Variants in CIITA observed in about 807,000 individuals in gnomAD.
CIITA encodes the protein MHC class II transactivator.
Under a neutral mutation model 115.1 loss-of-function variants are expected in CIITA, and 72 were observed. The ratio of observed to expected loss-of-function variants is 0.63; its 90% confidence interval spans 0.52 to 0.76. The LOEUF is 0.76. Ranked by LOEUF, CIITA falls within the 30% of genes least tolerant of loss-of-function variation. CIITA has a pLI of 0.00. For synonymous variants in CIITA, 763 were observed against 635.6 expected (o/e 1.20, Z -3.02); for missense variants, 1,617 against 1,463.8 (o/e 1.10, Z -1.71).
chr16:10,919,494 C>T (rs958849431), intron 16 of CIITA, among the ~76,000 whole-genome samples: 60 of 132,562 alleles, frequency 4.5e-4, no homozygotes, highest in Admixed American at 4.4e-4. Context: ...AGCCACCATG[C>T]CCGGCCAACT....
At chr16:10,893,244 G>A (rs1204699371) in intron 1 of CIITA, among the ~76,000 whole-genome samples, 3 of 152,196 alleles carry the variant, frequency 2.0e-5, no homozygotes, top group Admixed American at 6.5e-5. Context: ...ATAAAGTGCT[G>A]TTGTTCTGAG....
At chr16:10,891,177 TG>T (rs2037534458) in intron 1 of CIITA, among the ~76,000 whole-genome samples, 6 of 151,946 alleles carry the variant, frequency 3.9e-5, no homozygotes, top group Non-Finnish European at 8.8e-5. Flanking sequence ...TGATACCACC[TG>T]TGTCTCTATG....
rs762483007 is a variant in CIITA, at chr16:10,907,640, C to T, written c.2148C>T (p.Phe716=). 2.5e-6 allele frequency: 4 copies of T among 1,614,240 alleles called. No individual in the cohort carries two copies. The highest frequency in any genetic ancestry group is 3.4e-6 in the Non-Finnish European group (4 of 1,180,038). ...TCCCCAGCTTCCTCCTGCAATGCTT[C>T]CTGGGGGCCCTGTGGCTGGCTCTGA... ...LAFPSFLLQC[F]LGALWLALSG... is the part of the protein sequence containing the mutation. The change falls in exon 11 of 20, where the codon TTC becomes TTT. Residue 716 remains phenylalanine (F), a synonymous_variant. Coordinates refer to ENST00000324288, the MANE Select transcript of CIITA (RefSeq NM_000246.4). The surrounding 1 kb of genome is among the most constrained non-coding windows in gnomAD (Gnocchi z 5.0).
Position 10,901,977 on chromosome 16 carries a change from T to C in CIITA, c.482-61T>C, listed in dbSNP as rs1372716121. On this transcript the variant is annotated intron_variant, in intron 6 of 19. Coordinates refer to ENST00000324288, the MANE Select transcript of CIITA (RefSeq NM_000246.4). The surrounding 1 kb of genome is among the most constrained non-coding windows in gnomAD (Gnocchi z 6.8). ...AGACATCCATGCCACTCCAGGGCCC[T>C]CCCCATCCCAGGAAGGCCCCTCCAA... 4.4e-6 allele frequency: 7 copies of C among 1,605,212 alleles called. No individual in the cohort carries two copies. The East Asian group carries it at 1.6e-4, about 36-fold the overall frequency.
chr16:10,877,172 G>C (rs146018517), upstream of CIITA: 68 of 706,294 alleles, frequency 9.6e-5, no homozygotes, highest in African/African-American at 1.0e-3. Context: ...TGTTGGCTTA[G>C]CTTGGCGGGC....
In CIITA at chr16:10,941,732, C is replaced by T. The variant is rs1288928566; in HGVS notation, n.858C>T. ...CAGTCGAGACCCTACTCCAAGTACG[C>T]ATCAAAGACGTCGAGCTCCGAGTCA... is the stretch of plus-strand genomic sequence containing the variant. On this transcript the variant is annotated non_coding_transcript_exon_variant, in exon 2 of 2. Transcript: ENST00000573379. The surrounding 1 kb of genome is among the most constrained non-coding windows in gnomAD (Gnocchi z 6.4). 1 of 1,609,796 alleles carries T rather than the reference C, an allele frequency of 6.2e-7. No individual in the cohort carries two copies. The highest frequency in any genetic ancestry group is 1.3e-5 in the African/African-American group (1 of 74,676).
At position 10,922,179 on chromosome 16, in the gene CIITA, C is replaced by T. The variant is rs753080109; in HGVS notation, c.3162C>T (p.Asn1054=). Residue 1054 remains asparagine (N), a synonymous_variant, in exon 17 of 20, where the codon AAC becomes AAT. Transcript: ENST00000324288. ...ASLLRLSLYN[N]CICDVGAESL... ...CTGTTTCCGACAGCTTGTACAATAA[C>T]TGCATCTGCGACGTGGGAGCCGAGA... 7 of 1,614,242 alleles carry T rather than the reference C, an allele frequency of 4.3e-6. No homozygotes were observed. The highest frequency in any genetic ancestry group is 1.1e-5 in the South Asian group (1 of 91,088).
chr16:10,881,169 C>T (rs905684170), intron 1 of CIITA, among the ~76,000 whole-genome samples: 3 of 151,978 alleles, frequency 2.0e-5, no homozygotes, highest in African/African-American at 7.2e-5. Context: ...ATCTCAACTA[C>T]TTGGGAGGCT....
intron 1 of CIITA, among the ~76,000 whole-genome samples, chr16:10,870,815 G>A (rs568956694): frequency 3.9e-5 from 6 of 152,328 alleles, no homozygotes; most frequent in South Asian, 2.1e-4. Context: ...GCATTAGGTC[G>A]CACTGTATAA....
intron 14 of CIITA, 35 bp downstream of exon 14, chr16:10,915,685 A>G: frequency 6.4e-7 from 1 of 1,554,846 alleles, no homozygotes; most frequent in East Asian, 2.2e-5. Flanking sequence ...TCCTCTCAAC[A>G]TCTGGGTGCA....
Position 10,941,562 on chromosome 16 carries a change from C to T in CIITA, n.688C>T, listed in dbSNP as rs922544327. 4.8e-6 allele frequency: 7 copies of T among 1,447,272 alleles called. No homozygotes were observed. The highest frequency in any genetic ancestry group is 5.5e-6 in the Non-Finnish European group (6 of 1,098,546). 89.7% of individuals were successfully genotyped at this position (1,447,272 alleles called of 1,614,324 possible). A position where few individuals can be genotyped will look rare whatever the true frequency, so the allele number is the denominator to read the frequency against. ...CCGCCCTCATCCTGTTCAGAGAGGGCACTTACAGGCCTCGGAGGCAGGGGA... is the reference window on the plus strand; with the variant it reads ...CCGCCCTCATCCTGTTCAGAGAGGGTACTTACAGGCCTCGGAGGCAGGGGA... On this transcript the variant is annotated non_coding_transcript_exon_variant, in exon 2 of 2. Transcript: ENST00000573379. This position sits in a 1 kb window ranked among gnomAD's most constrained non-coding sequence, Gnocchi z 6.4.
chr16:10,936,640 T>G (rs2041029830), downstream of CIITA: 1 of 152,214 alleles, frequency 6.6e-6, no homozygotes, highest in Non-Finnish European at 1.5e-5. Flanking sequence ...CAGGAAAAAG[T>G]TGGAAGAGTG....
rs1020612944 is a variant in CIITA, at chr16:10,923,547, G to A, written c.*22+222G>A. ...CCCTGTGGTCAGGCTTAGAGATCAG[G>A]GGACAGGAAAGTTGGCCATCCACAT... On this transcript the variant is annotated intron_variant, in intron 19 of 19. Coordinates refer to ENST00000324288, the MANE Select transcript of CIITA (RefSeq NM_000246.4). This position sits in a 1 kb window ranked among gnomAD's most constrained non-coding sequence, Gnocchi z 5.2. Among the ~76,000 whole-genome samples the A allele has an allele frequency of 2.6e-5, 4 of 152,118 alleles. No individual in the cohort carries two copies. The highest frequency in any genetic ancestry group is 2.6e-4 in the Admixed American group (4 of 15,268).
intron 2 of CIITA, 104 bp from the exon 3 acceptor site, chr16:10,895,565 T>C: frequency 1.9e-6 from 3 of 1,561,510 alleles, no homozygotes; most frequent in Non-Finnish European, 2.6e-6. Flanking sequence ...GGACGCTCTC[T>C]GCAGATGGGG....
chr16:10,936,922 A>G (rs1044844649), downstream of CIITA: 27 of 152,270 alleles, frequency 1.8e-4, no homozygotes, highest in African/African-American at 5.1e-4. Context: ...GAAAGCTAGC[A>G]GATAAACCAG....
rs145558777 is a variant in CIITA at position 10,906,669 on chromosome 16, G to C, written c.1177G>C (p.Ala393Pro). ...ATPDWAERQL[A>P]QGGLAEVLLA... The stretch of plus-strand genomic sequence containing the variant: ...CCCGGACTGGGCAGAACGGCAGCTG[G>C]CCCAAGGAGGCCTGGCTGAGGTGCT... The change falls in exon 11 of 20, where the codon GCC (alanine) becomes CCC (proline). Residue 393 changes from alanine (A) to proline (P), a missense_variant. Ala to Pro is a conservative substitution (Grantham distance 27). Transcript: ENST00000324288. The C allele has an allele frequency of 1.9e-6, 3 of 1,613,198 alleles. No homozygotes were observed. The African/African-American group carries it at 4.0e-5, about 22-fold the overall frequency.
At chr16:10,936,877 C>T (rs1169490827), downstream of CIITA, 1 of 152,158 alleles carries the variant, frequency 6.6e-6, no homozygotes, top group Non-Finnish European at 1.5e-5. Context: ...CTTAGGTTTC[C>T]CAAAAGCCGA....
At chr16:10,886,031 A>G (rs1390051930) in intron 1 of CIITA, among the ~76,000 whole-genome samples, 3 of 141,708 alleles carry the variant, frequency 2.1e-5, no homozygotes, top group Non-Finnish European at 4.6e-5. Flanking sequence ...TTCTGTTTGT[A>G]TGTGCTCTTA....
chr16:10,898,898 G>C (rs2038419450), intron 4 of CIITA, 27 bp from the exon 5 acceptor site: 1 of 1,613,372 alleles, frequency 6.2e-7, no homozygotes, highest in East Asian at 2.2e-5. Flanking sequence ...GATTGTGTGA[G>C]TTGGTCTCTG....
Sources: gnomAD v4.1 joint callset for allele counts (sites outside exome capture counted in the v4.1 genomes callset) on GRCh38, gnomAD v4.1.1 for gene constraint, Gnocchi (gnomAD v3.1) non-coding constraint, MANE v1.5 for transcripts, NCBI Gene and HGNC (gene_info 2026-07-23, HGNC 2026-07-21) for gene names.